EFHB: variants seen among roughly 807,000 people sequenced by gnomAD.
The protein encoded by EFHB is EF-hand domain-containing family member B.
A neutral mutation model predicts 87.2 loss-of-function variants in EFHB; 91 were observed. That is an observed-to-expected ratio of 1.04 (90% CI 0.88 to 1.24). EFHB has a LOEUF of 1.24. EFHB is among the 50% of genes most tolerant of loss of function. The pLI is 0.00. For synonymous variants in EFHB, 325 were observed against 333.6 expected, an observed-to-expected ratio of 0.97 and a Z score of 0.28; for missense variants, 1,084 against 998.8, an observed-to-expected ratio of 1.09 and a Z score of -1.15.
At chr3:19,905,507 T>C in intron 6 of EFHB, 113 bp downstream of exon 6, 6 of 1,198,878 alleles carry the variant, frequency 5.0e-6, no homozygotes, top group Non-Finnish European at 7.0e-6. Context: ...CTAGTCATCT[T>C]GTTTGAACCA....
chr3:19,907,453 A>G (rs1694877498), intron 5 of EFHB, among the ~76,000 whole-genome samples: 1 of 152,210 alleles, frequency 6.6e-6, no homozygotes, highest in Non-Finnish European at 1.5e-5. Flanking sequence ...GGAAATCCTG[A>G]AGATCAAGGG....
At chr3:19,941,254 G>C (rs930993937) in intron 1 of EFHB, 1 of 293,014 alleles carries the variant, frequency 3.4e-6, no homozygotes, top group Non-Finnish European at 6.9e-6. Flanking sequence ...TCACAGAACA[G>C]GTCAGCATTC....
At chr3:19,906,251 C>T (rs1425469803) in intron 5 of EFHB, among the ~76,000 whole-genome samples, 2 of 152,148 alleles carry the variant, frequency 1.3e-5, no homozygotes, top group African/African-American at 2.4e-5. Flanking sequence ...ATCGCTTGAA[C>T]CCAGGAGGCG....
At position 19,882,533 on chromosome 3, in the gene EFHB, A is replaced by T. The variant is rs202083281; in HGVS notation, c.2328+17T>A. ...ATAGAGAAAACATTTCCATTTTTGTATGCTTATATGCTATACCTCTTCTTT... is the reference window on the plus strand; with the variant it reads ...ATAGAGAAAACATTTCCATTTTTGTTTGCTTATATGCTATACCTCTTCTTT... On this transcript the variant is annotated intron_variant, in intron 12 of 12. Coordinates refer to ENST00000295824, the MANE Select transcript of EFHB (RefSeq NM_144715.4). The T allele has an allele frequency of 5.5e-5, 81 of 1,470,504 alleles. No individual in the cohort carries two copies. The Admixed American group carries it at 1.0e-3, about 19-fold the overall frequency. The allele number at this position is 1,470,504 out of a possible 1,614,324, so 91.1% of individuals were successfully genotyped here.
chr3:19,901,028 G>A (rs1694653874), intron 6 of EFHB, among the ~76,000 whole-genome samples: 1 of 152,118 alleles, frequency 6.6e-6, no homozygotes. Context: ...CAGTTGTGGA[G>A]GGTAATTAAA....
At chr3:19,931,813 T>C (rs546723734) in intron 1 of EFHB, among the ~76,000 whole-genome samples, 36 of 152,348 alleles carry the variant, frequency 2.4e-4, no homozygotes, top group Admixed American at 2.0e-3. Flanking sequence ...TGGTATGACA[T>C]GAAGGTAAAC....
chr3:19,899,410 T>C, intron 7 of EFHB, 22 bp downstream of exon 7: 7 of 1,535,010 alleles, frequency 4.6e-6, no homozygotes, highest in Non-Finnish European at 5.3e-6. Flanking sequence ...AACTATCAAT[T>C]TGAAGTTAAT....
chr3:19,901,105 T>A (rs1694655974), intron 6 of EFHB, among the ~76,000 whole-genome samples: 2 of 152,186 alleles, frequency 1.3e-5, no homozygotes, highest in East Asian at 1.9e-4. Context: ...AATATATAAT[T>A]ATTTTATGTT....
chr3:19,919,107 G>C (rs749615009), intron 3 of EFHB, among the ~76,000 whole-genome samples: 6 of 152,052 alleles, frequency 3.9e-5, no homozygotes, highest in Non-Finnish European at 8.8e-5. Context: ...ATCAATAGCA[G>C]ATAACCAACA....
chr3:19,897,206 T>A (rs1694519199), intron 8 of EFHB, among the ~76,000 whole-genome samples: 2 of 152,222 alleles, frequency 1.3e-5, no homozygotes, highest in South Asian at 2.1e-4. Flanking sequence ...TAGGGCTGAT[T>A]CCAGGTGGGG....
At chr3:19,894,677 T>C (rs1471768369) in intron 9 of EFHB, 3 of 152,158 alleles carry the variant, frequency 2.0e-5, no homozygotes, top group African/African-American at 4.8e-5. Context: ...ACATTGTGCA[T>C]ATTGAGTTAA....
chr3:19,916,474 C>T (rs1695236300), intron 4 of EFHB, among the ~76,000 whole-genome samples: 1 of 151,814 alleles, frequency 6.6e-6, no homozygotes, highest in Non-Finnish European at 1.5e-5. Context: ...AAGATCACGA[C>T]ACTGCACTCC....
intron 10 of EFHB, among the ~76,000 whole-genome samples, chr3:19,886,524 C>T (rs555951706): frequency 6.6e-6 from 1 of 151,676 alleles, no homozygotes; most frequent in East Asian, 1.9e-4. Flanking sequence ...AGGGAGGATC[C>T]CTCAAGCCAG....
rs1362127085 is a variant in EFHB at position 19,933,894 on chromosome 3, C to G, written c.125G>C (p.Arg42Pro). 1 of 1,613,978 alleles carries G rather than the reference C, an allele frequency of 6.2e-7. No homozygotes were observed. The highest frequency in any genetic ancestry group is 1.1e-5 in the South Asian group (1 of 91,070). ...ACTAACCACAGGGCTCTCCCCGCATCGGGAATCTTCTTTTCCTAATCCTAC... is the reference window on the plus strand; with the variant it reads ...ACTAACCACAGGGCTCTCCCCGCATGGGGAATCTTCTTTTCCTAATCCTAC... ...IRVGLGKEDS[R>P]CGESPVVSNK... Residue 42 changes from arginine (R) to proline (P), a missense_variant, in exon 1 of 13, where the codon CGA becomes CCA. By Grantham distance (103) the Arg-to-Pro change is moderately radical. Coordinates refer to ENST00000295824, the MANE Select transcript of EFHB (RefSeq NM_144715.4).
chr3:19,894,524 T>C (rs1694407803), intron 9 of EFHB: 1 of 152,184 alleles, frequency 6.6e-6, no homozygotes, highest in Admixed American at 6.5e-5. Flanking sequence ...TGCTCTGTTG[T>C]GTTTGTGTTT....
intron 1 of EFHB, chr3:19,941,711 G>C (rs969558387): frequency 6.6e-6 from 1 of 151,292 alleles, no homozygotes; most frequent in African/African-American, 2.4e-5. Context: ...ACGAAAATTA[G>C]CTGGGCATGG....
At chr3:19,915,726 C>A (rs1278838858) in intron 4 of EFHB, among the ~76,000 whole-genome samples, 1 of 150,916 alleles carries the variant, frequency 6.6e-6, no homozygotes, top group Non-Finnish European at 1.5e-5. Context: ...TCGAGATCAG[C>A]CTGGCCAACA....
chr3:19,888,198 T>A (rs974624549), intron 10 of EFHB, among the ~76,000 whole-genome samples: 2 of 152,102 alleles, frequency 1.3e-5, no homozygotes, highest in Non-Finnish European at 2.9e-5. Flanking sequence ...ATAGCTGAGC[T>A]CTTAGAAAAA....
intron 1 of EFHB, among the ~76,000 whole-genome samples, chr3:19,924,089 T>C (rs747849618): frequency 2.7e-4 from 41 of 152,268 alleles, no homozygotes; most frequent in Admixed American, 1.0e-3. Flanking sequence ...TAATAACTAG[T>C]GATGATTCTT....
Sources: gnomAD v4.1 joint callset for allele counts (sites outside exome capture counted in the v4.1 genomes callset) on GRCh38, gnomAD v4.1.1 for gene constraint, MANE v1.5 for transcripts, NCBI Gene and HGNC (gene_info 2026-07-23, HGNC 2026-07-21) for gene names.